The following NLGN2 variants were observed in gnomAD, a reference collection of about 807,000 sequenced individuals.
NLGN2 encodes neuroligin 2, also known as neuroligin-2.
Under a neutral mutation model 48.6 loss-of-function variants are expected in NLGN2, and 11 were observed. The ratio of observed to expected loss-of-function variants is 0.23; its 90% confidence interval spans 0.14 to 0.37. NLGN2 has a LOEUF of 0.37. Among genes scored for constraint, NLGN2 ranks in the 10% least tolerant of loss-of-function variants. The pLI is 1.00. For missense variants in NLGN2, 801 were observed against 1,225.2 expected, an observed-to-expected ratio of 0.65 and a Z score of 5.17; for synonymous variants, 548 against 550.0, an observed-to-expected ratio of 1.00 and a Z score of 0.05.
At chr17:7,406,653 C>CGGGGGGGGGGGGGGG (rs71157283), upstream of NLGN2, among the ~76,000 whole-genome samples, 2 of 90,164 alleles carry the variant, frequency 2.2e-5, no homozygotes, top group Non-Finnish European at 2.2e-5. Context: ...GGTGGGGGGG[C>CGGGGGGGGGGGGGGG]GGGGGGGGGG....
Position 7,415,545 on chromosome 17 carries a change from G to A in NLGN2, c.1072G>A (p.Asp358Asn). 3.7e-6 allele frequency: 6 copies of A among 1,614,246 alleles called. No homozygotes were observed. The highest frequency in any genetic ancestry group is 5.1e-6 in the Non-Finnish European group (6 of 1,180,042). The part of the protein sequence containing the change: ...HIAFGPVVDG[D>N]VVPDDPEILM... Reference sequence around the variant, plus strand: ...CGCCTTTGGGCCCGTGGTGGATGGCGACGTGGTCCCCGATGACCCTGAGAT... The same window carrying A: ...CGCCTTTGGGCCCGTGGTGGATGGCAACGTGGTCCCCGATGACCCTGAGAT... Residue 358 changes from aspartate (D) to asparagine (N), a missense_variant, in exon 6 of 7, where the codon GAC becomes AAC. Transcript: ENST00000302926.
At chr17:7,416,597 C>T (rs890420176) in intron 6 of NLGN2, among the ~76,000 whole-genome samples, 11 of 152,258 alleles carry the variant, frequency 7.2e-5, no homozygotes, top group East Asian at 1.9e-4. Flanking sequence ...CTGTCCCTCC[C>T]GTGTCTTTGA....
rs1228494266 is a variant in NLGN2 at position 7,417,288 on chromosome 17, C to T, written c.1997C>T (p.Pro666Leu). The change falls in exon 7 of 7, where the codon CCC becomes CTC. Residue 666 changes from proline (P) to leucine (L), a missense_variant. Pro to Leu is a moderately conservative substitution (Grantham distance 98, BLOSUM62 -3). Transcript: ENST00000302926. The part of the protein sequence containing the change: ...EPGPRAYDRF[P>L]GDSRDYSTEL... ...GGCCCAAGGGCCTATGACCGCTTCCCCGGGGACTCACGGGACTACTCCACG... is the reference window on the plus strand; with the variant it reads ...GGCCCAAGGGCCTATGACCGCTTCCTCGGGGACTCACGGGACTACTCCACG... The T allele has an allele frequency of 1.2e-6, 2 of 1,602,142 alleles. No homozygotes were observed. The highest frequency in any genetic ancestry group is 1.7e-6 in the Non-Finnish European group (2 of 1,175,806).
At chr17:7,416,468 GTC>G (rs763366795) in intron 6 of NLGN2, among the ~76,000 whole-genome samples, 3 of 152,194 alleles carry the variant, frequency 2.0e-5, no homozygotes, top group East Asian at 3.9e-4. Context: ...TTCTGTCTCT[GTC>G]TCTCTGAAAA....
In NLGN2 at chr17:7,408,309, AG is replaced by A; in HGVS notation, c.59del (p.Gly20ValfsTer25). 2 of 1,167,822 alleles carry A rather than the reference AG, an allele frequency of 1.7e-6. No homozygotes were observed. Among genetic ancestry groups the A allele is most frequent in the South Asian group, 2.0e-5 (1 of 49,398 alleles). The allele number at this position is 1,167,822 out of a possible 1,614,324, so 72.3% of individuals were successfully genotyped here. On this transcript the variant is annotated frameshift_variant, in exon 1 of 7. Transcript: ENST00000302926. LOFTEE classifies it high-confidence loss of function. This position sits in a 1 kb window ranked among gnomAD's most constrained non-coding sequence, Gnocchi z 7.5. ...VGLAGAQRGG[G>X]GPGGGAPGGP... ...GGCTGGCGGGGGCTCAACGCGGGGG[AG>A]GGGGTCCCGGCGGCGGCGCCCCGGG...
chr17:7,413,238 G>A lies in NLGN2; in HGVS notation c.508+1031G>A, dbSNP rs1906971234. On this transcript the variant is annotated intron_variant, in intron 2 of 6. Transcript: ENST00000302926. The surrounding 1 kb of genome is among the most constrained non-coding windows in gnomAD (Gnocchi z 4.9). ...AGGGGGTCTTAGGGATGGGAGGCAG[G>A]AAGCTGTCTGTGAGGTCAAGGAGAA... 6.6e-6 allele frequency among the ~76,000 whole-genome samples: 1 copy of A among 152,246 alleles called. No individual in the cohort carries two copies. Among genetic ancestry groups the A allele is most frequent in the Non-Finnish European group, 1.5e-5 (1 of 68,044 alleles).
chr17:7,415,499 C>G lies in NLGN2; in HGVS notation c.1038-12C>G. 6.2e-7 allele frequency: 1 copy of G among 1,611,708 alleles called. No individual in the cohort carries two copies. The highest frequency in any genetic ancestry group is 8.5e-7 in the Non-Finnish European group (1 of 1,177,744). ...GTGAGCAGGTGGTGAGACCCTGACC[C>G]CTTCTCCCCAGCTACCACATCGCCT... On this transcript the variant is annotated splice_polypyrimidine_tract_variant and intron_variant, in intron 5 of 6. Coordinates refer to ENST00000302926, the MANE Select transcript of NLGN2 (RefSeq NM_020795.4).
In NLGN2 at chr17:7,419,853, T is replaced by G. The variant is rs959419685; in HGVS notation, c.*2054T>G. The G allele has an allele frequency of 3.9e-5, 6 of 152,862 alleles. No individual in the cohort carries two copies. The highest frequency in any genetic ancestry group is 1.4e-4 in the African/African-American group (6 of 41,478). 9.5% of individuals were successfully genotyped at this position (152,862 alleles called of 1,614,324 possible). The stretch of plus-strand genomic sequence containing the variant: ...AGAGAATATTGTAAATATAAAAGTT[T>G]AACTGTTGGTTGTGCCTGCTCTGTT... On this transcript the variant is annotated 3_prime_UTR_variant, in exon 7 of 7. Coordinates refer to ENST00000302926, the MANE Select transcript of NLGN2 (RefSeq NM_020795.4).
rs764103007 is a variant in NLGN2 at position 7,414,939 on chromosome 17, T to G, written c.845-17T>G. On this transcript the variant is annotated splice_polypyrimidine_tract_variant and intron_variant, in intron 4 of 6. Coordinates refer to ENST00000302926, the MANE Select transcript of NLGN2 (RefSeq NM_020795.4). ...CCGGTACTCACAGCCTGGCCTGAGG[T>G]CTGCCTGTCCCGCCAGGGCTGTTCC... 12 of 1,612,772 alleles carry G rather than the reference T, an allele frequency of 7.4e-6. No homozygotes were observed. Among genetic ancestry groups the G allele is most frequent in the Non-Finnish European group, 1.0e-5 (12 of 1,179,940 alleles).
Position 7,419,057 on chromosome 17 carries a change from C to G in NLGN2, c.*1258C>G, listed in dbSNP as rs373363971. The G allele has an allele frequency of 2.6e-5, 4 of 152,484 alleles. No homozygotes were observed. Among genetic ancestry groups the G allele is most frequent in the African/African-American group, 9.6e-5 (4 of 41,462 alleles). The allele number at this position is 152,484 out of a possible 1,614,324, so 9.4% of individuals were successfully genotyped here. ...CCACCCTGCCTCAGTTCTCCGTTCC[C>G]CTTCATCTCCGTCCCCCTCTTTGAA... On this transcript the variant is annotated 3_prime_UTR_variant, in exon 7 of 7. Transcript: ENST00000302926.
Position 7,413,511 on chromosome 17 carries a change from C to T in NLGN2, c.509-833C>T. On this transcript the variant is annotated intron_variant, in intron 2 of 6. Coordinates refer to ENST00000302926, the MANE Select transcript of NLGN2 (RefSeq NM_020795.4). The surrounding 1 kb of genome is among the most constrained non-coding windows in gnomAD (Gnocchi z 4.9). ...GGGGAGGATACTGTAGCCTCGGGGA[C>T]CCTGGCAAGCACTCTCAGACTCCCA... Among the ~76,000 whole-genome samples the T allele has an allele frequency of 6.6e-6, 1 of 152,106 alleles. No individual in the cohort carries two copies. Among genetic ancestry groups the T allele is most frequent in the East Asian group, 1.9e-4 (1 of 5,194 alleles).
chr17:7,415,470 G>A (rs1222774604), intron 5 of NLGN2, 41 bp from the exon 6 acceptor site: 1 of 1,566,966 alleles, frequency 6.4e-7, no homozygotes, highest in African/African-American at 1.4e-5. Context: ...CCAAGAGGAG[G>A]CCAGTGAGCA....
rs1021621045 is a variant in NLGN2 at position 7,415,766 on chromosome 17, C to A, written c.1293C>A (p.Ile431=). 1 of 1,614,272 alleles carries A rather than the reference C, an allele frequency of 6.2e-7. No individual in the cohort carries two copies. The highest frequency in any genetic ancestry group is 1.7e-5 in the Admixed American group (1 of 60,030). Residue 431 remains isoleucine, a synonymous_variant, in exon 6 of 7, where the codon ATC becomes ATA. Transcript: ENST00000302926. ...GCAAGGATGTGCTTCGGGAGACCATCAAGTTTATGTACACAGACTGGGCCG... is the reference window on the plus strand; with the variant it reads ...GCAAGGATGTGCTTCGGGAGACCATAAAGTTTATGTACACAGACTGGGCCG... ...PEGKDVLRET[I]KFMYTDWADR... is the part of the protein sequence containing the mutation.
chr17:7,406,241 G>A (rs944703540), upstream of NLGN2, among the ~76,000 whole-genome samples: 1 of 152,096 alleles, frequency 6.6e-6, no homozygotes, highest in African/African-American at 2.4e-5. Flanking sequence ...GATGCTCCCA[G>A]GGAGCACTAC....
At chr17:7,414,245 A>C (rs1488511966) in intron 2 of NLGN2, 99 bp from the exon 3 acceptor site, 1 of 1,098,962 alleles carries the variant, frequency 9.1e-7, no homozygotes, top group Admixed American at 2.0e-5. Context: ...GCTCCAGGCC[A>C]GTCCTCAGCA....
intron 3 of NLGN2, 53 bp downstream of exon 3, chr17:7,414,546 G>C: frequency 2.5e-6 from 4 of 1,611,486 alleles, no homozygotes; most frequent in East Asian, 2.2e-5. Context: ...AGGTGGGCCT[G>C]GTGGGCAGGG....
intron 1 of NLGN2, among the ~76,000 whole-genome samples, chr17:7,409,910 A>C (rs1906807128): frequency 2.0e-5 from 3 of 152,036 alleles, no homozygotes; most frequent in African/African-American, 7.3e-5. Context: ...CATGTCACCC[A>C]CACACACCTG....
rs1464499905 is a variant in NLGN2, at chr17:7,408,586, C to T, written c.331C>T (p.His111Tyr). The change falls in exon 1 of 7, where the codon CAC becomes TAC. Residue 111 changes from histidine (H) to tyrosine (Y), a missense_variant. Coordinates refer to ENST00000302926, the MANE Select transcript of NLGN2 (RefSeq NM_020795.4). This position sits in a 1 kb window ranked among gnomAD's most constrained non-coding sequence, Gnocchi z 7.5. ...GCCGCCCGCCTGCCCGCAGAACCTGCACGGGGCGCTGCCCGCCATCATGCT... is the reference window on the plus strand; with the variant it reads ...GCCGCCCGCCTGCCCGCAGAACCTGTACGGGGCGCTGCCCGCCATCATGCT... Reference protein sequence around the residue: ...TLPPACPQNLHGALPAIMLPV... With the variant: ...TLPPACPQNLYGALPAIMLPV... The T allele has an allele frequency of 5.7e-6, 9 of 1,570,968 alleles. No individual in the cohort carries two copies. The South Asian group carries it at 8.1e-5, about 14-fold the overall frequency.
In NLGN2 at chr17:7,418,030, C is replaced by T. The variant is rs529292465; in HGVS notation, c.*231C>T. 1.5e-4 allele frequency: 54 copies of T among 353,960 alleles called. No individual in the cohort carries two copies. Among genetic ancestry groups the T allele is most frequent in the African/African-American group, 9.6e-4 (46 of 47,776 alleles). The allele number at this position is 353,960 out of a possible 1,614,324, so 21.9% of individuals were successfully genotyped here. A position where few individuals can be genotyped will look rare whatever the true frequency, so the allele number is the denominator to read the frequency against. Reference sequence around the variant, plus strand: ...ACAACTGGGGGGCGTTTTCTCCCCCCCATTGGGACACCAGTCTTCGGTGTG... The same window carrying T: ...ACAACTGGGGGGCGTTTTCTCCCCCTCATTGGGACACCAGTCTTCGGTGTG... On this transcript the variant is annotated 3_prime_UTR_variant, in exon 7 of 7. Coordinates refer to ENST00000302926, the MANE Select transcript of NLGN2 (RefSeq NM_020795.4).
Sources: allele counts gnomAD v4.1 joint callset (sites outside exome capture counted in the v4.1 genomes callset), GRCh38; gene constraint gnomAD v4.1.1; non-coding constraint Gnocchi (gnomAD v3.1); transcripts MANE v1.5; gene names NCBI Gene and HGNC (gene_info 2026-07-23, HGNC 2026-07-21).